Variants in TRMT9B observed in about 807,000 individuals in gnomAD.
TRMT9B encodes the protein tRNA methyltransferase 9B (putative), also known as probable tRNA methyltransferase 9B.
Under a neutral mutation model 11.5 loss-of-function variants are expected in TRMT9B, and 16 were observed. The ratio of observed to expected loss-of-function variants is 1.39; its 90% CI spans 0.94 to 2.11. The LOEUF is 2.11. Among genes scored for constraint, TRMT9B ranks in the 30% most tolerant of loss-of-function variants. The probability of loss-of-function intolerance (pLI) is 0.00; values close to 1 mark genes in which losing one functional copy is unlikely to be tolerated. For synonymous variants in TRMT9B, 274 were observed against 192.4 expected, an observed-to-expected ratio of 1.42 and a Z score of -3.51; for missense variants, 941 against 553.8, an observed-to-expected ratio of 1.70 and a Z score of -7.02.
chr8:12,978,531 G>A (rs1004591451), intron 1 of TRMT9B, among the ~76,000 whole-genome samples: 27 of 144,626 alleles, frequency 1.9e-4, no homozygotes, highest in Non-Finnish European at 3.4e-4. Context: ...TAGATAGATA[G>A]ATAGATAGAT....
chr8:12,990,853 G>A lies in TRMT9B; in HGVS notation c.-180G>A, dbSNP rs1807213140. 4 of 1,289,352 alleles carry A rather than the reference G, an allele frequency of 3.1e-6. No individual in the cohort carries two copies. Among genetic ancestry groups the A allele is most frequent in the South Asian group, 2.5e-5 (2 of 80,940 alleles). The allele number at this position is 1,289,352 out of a possible 1,614,324, so 79.9% of individuals were successfully genotyped here. A position where few individuals can be genotyped will look rare whatever the true frequency, so the allele number is the denominator to read the frequency against. On this transcript the variant is annotated 5_prime_UTR_variant, in exon 2 of 5. Coordinates refer to ENST00000524591, the MANE Select transcript of TRMT9B (RefSeq NM_020844.3). ...TGATAGGGCCTGTGCTTCCTTCAGAGACTCACACAAGAGGTTTATCATGAG... is the reference window on the plus strand; with the variant it reads ...TGATAGGGCCTGTGCTTCCTTCAGAAACTCACACAAGAGGTTTATCATGAG...
Position 12,990,904 on chromosome 8 carries a change from C to A in TRMT9B, c.-129C>A, listed in dbSNP as rs796543868. ...AAGGACCGCACTATTTCATTTCACT[C>A]CTACAAGTTTTCATTTACGTTACAC... On this transcript the variant is annotated 5_prime_UTR_variant, in exon 2 of 5. Coordinates refer to ENST00000524591, the MANE Select transcript of TRMT9B (RefSeq NM_020844.3). 3.9e-6 allele frequency: 5 copies of A among 1,289,428 alleles called. No individual in the cohort carries two copies. In the African/African-American group the frequency reaches 7.6e-5, roughly 20 times the overall value. The allele number at this position is 1,289,428 out of a possible 1,614,324, so 79.9% of individuals were successfully genotyped here. A position where few individuals can be genotyped will look rare whatever the true frequency, so the allele number is the denominator to read the frequency against.
chr8:13,021,717 G>A lies in TRMT9B; in HGVS notation c.1038G>A (p.Gly346=). ...AAGGGGAAATGAGGAGAAATGGAGG[G>A]GGAAATTTTCTGGATAGCACTAATA... ...DHQGEMRRNG[G]GNFLDSTNTG... Residue 346 remains glycine, a synonymous_variant, in exon 5 of 5, where the codon GGG becomes GGA. Transcript: ENST00000524591. 1 of 1,613,848 alleles carries A rather than the reference G, an allele frequency of 6.2e-7. No homozygotes were observed. The highest frequency in any genetic ancestry group is 8.5e-7 in the Non-Finnish European group (1 of 1,179,862).
At position 13,006,415 on chromosome 8, in the gene TRMT9B, G is replaced by T. The variant is rs1302947934; in HGVS notation, c.154+59G>T. On this transcript the variant is annotated intron_variant, in intron 3 of 4. Coordinates refer to ENST00000524591, the MANE Select transcript of TRMT9B (RefSeq NM_020844.3). ...CCAGGCAGCCTCATCGCTGACATAG[G>T]TAACCAGGCAGCCTCATCGCTGACA... 5.3e-6 allele frequency: 8 copies of T among 1,513,028 alleles called. No individual in the cohort carries two copies. The South Asian group carries it at 1.1e-4, about 20-fold the overall frequency. The allele number at this position is 1,513,028 out of a possible 1,614,324, so 93.7% of individuals were successfully genotyped here.
intron 2 of TRMT9B, among the ~76,000 whole-genome samples, chr8:13,001,893 T>A (rs1362812146): frequency 6.6e-6 from 1 of 152,194 alleles, no homozygotes; most frequent in Non-Finnish European, 1.5e-5. Context: ...TCTCGCTTCA[T>A]CTGGAAACCC....
intron 1 of TRMT9B, among the ~76,000 whole-genome samples, chr8:12,959,302 T>C (rs1371373414): frequency 6.6e-6 from 1 of 152,168 alleles, no homozygotes; most frequent in Non-Finnish European, 1.5e-5. Flanking sequence ...CTGACTTCAC[T>C]TGACAGATTG....
intron 2 of TRMT9B, among the ~76,000 whole-genome samples, chr8:13,004,717 C>G (rs1214107293): frequency 6.6e-6 from 1 of 152,010 alleles, no homozygotes; most frequent in African/African-American, 2.4e-5. Context: ...CTTGCTGGCT[C>G]CAGATGCGAC....
intron 1 of TRMT9B, among the ~76,000 whole-genome samples, chr8:12,988,728 A>C (rs958170716): frequency 6.6e-6 from 1 of 152,122 alleles, no homozygotes; most frequent in Middle Eastern, 3.2e-3. Flanking sequence ...CCCACAATAC[A>C]TGGGGATGAT....
At chr8:12,959,516 C>CTTTTTTTTTTTTTTTTTTTTTTTTTTTTT in intron 1 of TRMT9B, among the ~76,000 whole-genome samples, 1 of 74,898 alleles carries the variant, frequency 1.3e-5, no homozygotes, top group Non-Finnish European at 2.3e-5. Flanking sequence ...TTTTTCCTTC[C>CTTTTTTTTTTTTTTTTTTTTTTTTTTTTT]TTTTTTTTTT....
chr8:12,999,116 G>A (rs1445752258), intron 2 of TRMT9B, among the ~76,000 whole-genome samples: 1 of 151,944 alleles, frequency 6.6e-6, no homozygotes, highest in Non-Finnish European at 1.5e-5. Context: ...CTAACCAACA[G>A]GGTGAAACCC....
Position 13,021,680 on chromosome 8 carries a change from A to C in TRMT9B, c.1001A>C (p.Asn334Thr). ...LRAPGTLKHL[N>T]GDHQGEMRRN... ...GCACCAGGCACTCTGAAACATTTAA[A>C]TGGAGACCATCAAGGGGAAATGAGG... Residue 334 changes from asparagine to threonine, a missense_variant, in exon 5 of 5, where the codon AAT (asparagine) becomes ACT (threonine). Physicochemically the swap from Asn to Thr is moderately conservative, Grantham distance 65. Coordinates refer to ENST00000524591, the MANE Select transcript of TRMT9B (RefSeq NM_020844.3). 1 of 1,613,974 alleles carries C rather than the reference A, an allele frequency of 6.2e-7. No individual in the cohort carries two copies. The highest frequency in any genetic ancestry group is 1.7e-5 in the Admixed American group (1 of 60,026).
chr8:12,955,334 G>A (rs28456066), intron 1 of TRMT9B, among the ~76,000 whole-genome samples: 2,547 of 152,222 alleles, frequency 0.017, 79 homozygotes, highest in African/African-American at 0.058. Context: ...ATGATGAGGT[G>A]GTAGGGGAAG....
chr8:12,978,815 C>G (rs940428449), intron 1 of TRMT9B, among the ~76,000 whole-genome samples: 1 of 152,174 alleles, frequency 6.6e-6, no homozygotes, highest in Non-Finnish European at 1.5e-5. Context: ...CAGGTTGGCA[C>G]GTGGAGTCCA....
rs1202673411 is a variant in TRMT9B at position 12,986,536 on chromosome 8, C to T, written c.-199-4298C>T. Among the ~76,000 whole-genome samples the T allele has an allele frequency of 2.0e-5, 3 of 152,184 alleles. No homozygotes were observed. In the East Asian group the frequency reaches 5.8e-4, roughly 29 times the overall value. The stretch of plus-strand genomic sequence containing the variant: ...CAAAATCAGTTACCAGTATCTAGAC[C>T]TTCTTATATCCTATTTCCCGCAAAT... On this transcript the variant is annotated intron_variant, in intron 1 of 4. Coordinates refer to ENST00000524591, the MANE Select transcript of TRMT9B (RefSeq NM_020844.3).
At chr8:13,009,347 G>C (rs1489890201) in intron 3 of TRMT9B, among the ~76,000 whole-genome samples, 6 of 152,094 alleles carry the variant, frequency 3.9e-5, no homozygotes, top group African/African-American at 1.4e-4. Flanking sequence ...GAAAAAAAAA[G>C]GGAAAACTAT....
intron 1 of TRMT9B, among the ~76,000 whole-genome samples, chr8:12,975,299 C>T (rs975891076): frequency 3.3e-5 from 5 of 151,878 alleles, no homozygotes; most frequent in African/African-American, 7.3e-5. Context: ...CTCCCCTGAA[C>T]GATATACTTG....
At chr8:12,970,780 C>T (rs1009456024) in intron 1 of TRMT9B, among the ~76,000 whole-genome samples, 1 of 152,178 alleles carries the variant, frequency 6.6e-6, no homozygotes, top group Non-Finnish European at 1.5e-5. Context: ...CTTCCTGTCA[C>T]TCACTTCATG....
rs552297429 is a variant in TRMT9B, at chr8:13,029,369, A to G, written c.*7325A>G. ...TTTTAAAAGCACAAAGTGATGTAAAATATTTTGACTTTTATAATAATGCGA... is the reference window on the plus strand; with the variant it reads ...TTTTAAAAGCACAAAGTGATGTAAAGTATTTTGACTTTTATAATAATGCGA... On this transcript the variant is annotated 3_prime_UTR_variant, in exon 5 of 5. Coordinates refer to ENST00000524591, the MANE Select transcript of TRMT9B (RefSeq NM_020844.3). 9.0e-5 allele frequency: 15 copies of G among 167,200 alleles called. No homozygotes were observed. Among genetic ancestry groups the G allele is most frequent in the African/African-American group, 3.4e-4 (14 of 41,596 alleles). 10.4% of individuals were successfully genotyped at this position (167,200 alleles called of 1,614,324 possible).
chr8:13,002,899 C>A (rs1262914869), intron 2 of TRMT9B, among the ~76,000 whole-genome samples: 2 of 152,146 alleles, frequency 1.3e-5, no homozygotes, highest in Non-Finnish European at 2.9e-5. Context: ...CAGTTACACT[C>A]CCATCTGCCA....
Sources: allele counts gnomAD v4.1 joint callset (sites outside exome capture counted in the v4.1 genomes callset), GRCh38; gene constraint gnomAD v4.1.1; transcripts MANE v1.5; gene names NCBI Gene and HGNC (gene_info 2026-07-23, HGNC 2026-07-21).